The following NRXN3 variants were observed in gnomAD, a reference collection of about 807,000 sequenced individuals.
The protein encoded by NRXN3 is neurexin III.
NRXN3 carries 32 observed loss-of-function variants against 137.6 expected under a neutral mutation model. That is an observed-to-expected ratio of 0.23 (90% CI 0.18 to 0.31). NRXN3 has a LOEUF of 0.31. NRXN3 is among the 10% of genes least tolerant of loss of function. The pLI is 1.00. For synonymous variants in NRXN3, 798 were observed against 784.5 expected, an observed-to-expected ratio of 1.02 and a Z score of -0.29; for missense variants, 1,574 against 2,062.5, an observed-to-expected ratio of 0.76 and a Z score of 4.59.
At chr14:78,909,703 C>T (rs2099231099) in intron 10 of NRXN3, among the ~76,000 whole-genome samples, 1 of 152,060 alleles carries the variant, frequency 6.6e-6, no homozygotes, top group Admixed American at 6.6e-5. Flanking sequence ...ATTCCCAGGA[C>T]CCTCAATTCT....
At chr14:79,491,478 T>C (rs1270771312) in intron 16 of NRXN3, among the ~76,000 whole-genome samples, 2 of 152,200 alleles carry the variant, frequency 1.3e-5, no homozygotes, top group Non-Finnish European at 2.9e-5. Context: ...TCCAGGTACA[T>C]TCTGGGGAAA....
chr14:78,204,976 A>C (rs1029170715), intron 1 of NRXN3, among the ~76,000 whole-genome samples: 2 of 152,196 alleles, frequency 1.3e-5, no homozygotes, highest in African/African-American at 4.8e-5. Flanking sequence ...CCAGAGTCAA[A>C]GTGCGGAGAC....
chr14:78,304,770 T>C lies in NRXN3; in HGVS notation c.757+6910T>C, dbSNP rs75977808. ...CTAGTGTAAGAGAAGCAATAGGTCA[T>C]GGTGGGAATCATGGCAAACTGGAGA... is the stretch of plus-strand genomic sequence containing the variant. On this transcript the variant is annotated intron_variant, in intron 4 of 20. Coordinates refer to ENST00000335750, the MANE Select transcript of NRXN3 (RefSeq NM_001330195.2). Among the ~76,000 whole-genome samples the C allele has an allele frequency of 7.9e-5, 12 of 152,256 alleles. No individual in the cohort carries two copies. The South Asian group carries it at 1.7e-3, about 21-fold the overall frequency.
intron 4 of NRXN3, among the ~76,000 whole-genome samples, chr14:78,433,356 G>T (rs753449554): frequency 6.6e-6 from 1 of 151,986 alleles, no homozygotes; most frequent in Non-Finnish European, 1.5e-5. Flanking sequence ...CCTTTTAAAG[G>T]CTCATGTGAT....
intron 4 of NRXN3, among the ~76,000 whole-genome samples, chr14:78,366,291 A>G (rs978346418): frequency 1.3e-5 from 2 of 152,166 alleles, no homozygotes; most frequent in African/African-American, 4.8e-5. Flanking sequence ...GGTGTGTCCA[A>G]CTGAGGTAGC....
intron 20 of NRXN3, among the ~76,000 whole-genome samples, chr14:79,813,420 T>C (rs2099241761): frequency 1.3e-5 from 2 of 152,212 alleles, no homozygotes; most frequent in South Asian, 4.1e-4. Flanking sequence ...GCATGAATTT[T>C]TGGTGGTTCA....
intron 10 of NRXN3, among the ~76,000 whole-genome samples, chr14:78,889,512 C>T (rs986213596): frequency 6.6e-6 from 1 of 152,016 alleles, no homozygotes; most frequent in Admixed American, 6.6e-5. Flanking sequence ...ATGGCTACCT[C>T]TCAGTTTTCT....
intron 16 of NRXN3, among the ~76,000 whole-genome samples, chr14:79,534,012 G>A (rs751482387): frequency 6.6e-6 from 1 of 152,124 alleles, no homozygotes; most frequent in Non-Finnish European, 1.5e-5. Context: ...TCTCTAAGGC[G>A]AAAGTCTAGA....
chr14:79,470,940 A>G (rs201283157), intron 16 of NRXN3, among the ~76,000 whole-genome samples: 8,379 of 100,088 alleles, frequency 0.084, 512 homozygotes, highest in African/African-American at 0.22. Context: ...GAGAGAGAGA[A>G]AGAGAGAGAG....
chr14:78,641,356 C>T (rs1036565541), intron 4 of NRXN3, among the ~76,000 whole-genome samples: 33 of 152,164 alleles, frequency 2.2e-4, no homozygotes, highest in East Asian at 7.7e-4. Flanking sequence ...TCTCCTTCTC[C>T]TTTCTAGCCC....
intron 18 of NRXN3, among the ~76,000 whole-genome samples, chr14:79,692,769 T>A (rs1189879904): frequency 6.7e-6 from 1 of 148,218 alleles, no homozygotes; most frequent in Non-Finnish European, 1.5e-5. Flanking sequence ...AAGGGGAGCA[T>A]TTTTTTTTAA....
chr14:79,038,928 C>T (rs778428916), intron 15 of NRXN3, among the ~76,000 whole-genome samples: 3 of 151,986 alleles, frequency 2.0e-5, no homozygotes, highest in Non-Finnish European at 2.9e-5. Context: ...TGGCTAAGAG[C>T]CCTGGAATGC....
At chr14:79,045,164 C>T (rs1282855832) in intron 15 of NRXN3, among the ~76,000 whole-genome samples, 1 of 152,118 alleles carries the variant, frequency 6.6e-6, no homozygotes, top group Non-Finnish European at 1.5e-5. Flanking sequence ...TGTTTGATTC[C>T]TGCCAAAGCA....
At chr14:78,966,927 C>T (rs1202390485) in intron 12 of NRXN3, among the ~76,000 whole-genome samples, 1 of 152,164 alleles carries the variant, frequency 6.6e-6, no homozygotes, top group Non-Finnish European at 1.5e-5. Context: ...TTAAAAGTCA[C>T]CCCCTTATGT....
At chr14:79,814,412 G>C (rs1603588381) in intron 20 of NRXN3, among the ~76,000 whole-genome samples, 2 of 152,190 alleles carry the variant, frequency 1.3e-5, no homozygotes, top group Middle Eastern at 6.8e-3. Flanking sequence ...CTTACCCCTA[G>C]GGAACTTCAC....
At chr14:78,207,785 T>C (rs2062354676) in intron 1 of NRXN3, among the ~76,000 whole-genome samples, 1 of 152,244 alleles carries the variant, frequency 6.6e-6, no homozygotes, top group South Asian at 2.1e-4. Context: ...TTCTTGCCAA[T>C]GGGCCATTAT....
chr14:79,660,040 T>C lies in NRXN3; in HGVS notation c.3445-3738T>C, dbSNP rs188704943. 1.4e-3 allele frequency among the ~76,000 whole-genome samples: 207 copies of C among 152,232 alleles called. 1 individual carries two copies. In the Middle Eastern group the frequency reaches 0.014, roughly 10 times the overall value. ...AAATGCTGATATCCTGTCCTTATAG[T>C]GTATTATCAAGAAGTGGCTTCAGAA... On this transcript the variant is annotated intron_variant, in intron 16 of 20. Coordinates refer to ENST00000335750, the MANE Select transcript of NRXN3 (RefSeq NM_001330195.2).
chr14:79,133,780 T>G (rs552008673), intron 15 of NRXN3, among the ~76,000 whole-genome samples: 1 of 149,442 alleles, frequency 6.7e-6, no homozygotes, highest in African/African-American at 2.5e-5. Context: ...AAAAAAAAAA[T>G]TAGGTGGGCG....
At chr14:78,237,206 A>G (rs184056777) in intron 1 of NRXN3, among the ~76,000 whole-genome samples, 1 of 152,304 alleles carries the variant, frequency 6.6e-6, no homozygotes, top group East Asian at 1.9e-4. Context: ...GCCATATGAG[A>G]TGGAAGCTTC....
Sources: allele counts gnomAD v4.1 joint callset (sites outside exome capture counted in the v4.1 genomes callset), GRCh38; gene constraint gnomAD v4.1.1; transcripts MANE v1.5; gene names NCBI Gene and HGNC (gene_info 2026-07-23, HGNC 2026-07-21).